Variants in STEAP1B observed in about 807,000 individuals in gnomAD.
The protein encoded by STEAP1B is STEAP family member 1B, also known as STEAP family protein MGC87042.
Under a neutral mutation model 27.9 loss-of-function variants are expected in STEAP1B, and 13 were observed. The observed-to-expected ratio is 0.47, with a 90% CI of 0.30 to 0.74. The LOEUF is 0.74. Ranked by LOEUF, STEAP1B falls within the 30% of genes least tolerant of loss-of-function variation. The probability of loss-of-function intolerance (pLI) is 0.06; values close to 1 mark genes in which losing one functional copy is unlikely to be tolerated. For missense variants in STEAP1B, 250 were observed against 298.7 expected (o/e 0.84, Z 1.20); for synonymous variants, 86 against 107.1 (o/e 0.80, Z 1.22).
chr7:22,422,636 G>A (rs1018625967), intron 4 of STEAP1B, among the ~76,000 whole-genome samples: 3 of 152,114 alleles, frequency 2.0e-5, no homozygotes, highest in Non-Finnish European at 4.4e-5. Flanking sequence ...CGGGATTACA[G>A]GCACCCACCC....
intron 4 of STEAP1B, among the ~76,000 whole-genome samples, chr7:22,487,603 A>C (rs1017357843): frequency 7.9e-5 from 12 of 151,720 alleles, no homozygotes; most frequent in African/African-American, 2.9e-4. Flanking sequence ...TCGGGAGTTC[A>C]AGACCAGCCT....
At chr7:22,468,353 G>C (rs1452680500) in intron 4 of STEAP1B, among the ~76,000 whole-genome samples, 1 of 152,046 alleles carries the variant, frequency 6.6e-6, no homozygotes, top group African/African-American at 2.4e-5. Flanking sequence ...GGAAACTGAG[G>C]AAAGGAGGCT....
intron 1 of STEAP1B, among the ~76,000 whole-genome samples, chr7:22,495,942 C>T (rs1786432552): frequency 1.3e-5 from 2 of 152,120 alleles, no homozygotes; most frequent in Admixed American, 1.3e-4. Context: ...GTGAAGTGTA[C>T]TCCTTCTACT....
At chr7:22,476,860 T>A (rs1260594268) in intron 4 of STEAP1B, among the ~76,000 whole-genome samples, 2 of 152,156 alleles carry the variant, frequency 1.3e-5, no homozygotes, top group African/African-American at 4.8e-5. Flanking sequence ...TAAGGAGGAA[T>A]CCGTTTCTGA....
intron 4 of STEAP1B, among the ~76,000 whole-genome samples, chr7:22,425,935 A>G (rs889016839): frequency 2.0e-5 from 3 of 152,244 alleles, no homozygotes; most frequent in Non-Finnish European, 4.4e-5. Context: ...AGTGGCTACA[A>G]AAGTTTCCTT....
At chr7:22,427,172 C>T (rs1201072802) in intron 4 of STEAP1B, among the ~76,000 whole-genome samples, 4 of 152,098 alleles carry the variant, frequency 2.6e-5, no homozygotes, top group Non-Finnish European at 5.9e-5. Context: ...TCTAAGGAGA[C>T]GAAAAGACCT....
At chr7:22,460,094 G>C (rs955920067) in intron 4 of STEAP1B, among the ~76,000 whole-genome samples, 70 of 152,142 alleles carry the variant, frequency 4.6e-4, no homozygotes, top group African/African-American at 1.7e-3. Flanking sequence ...AGGACTGCTT[G>C]AGCCCAGGAA....
chr7:22,482,912 T>G (rs1156966190), intron 4 of STEAP1B, among the ~76,000 whole-genome samples: 1 of 152,206 alleles, frequency 6.6e-6, no homozygotes, highest in Non-Finnish European at 1.5e-5. Flanking sequence ...GGATCTTGTC[T>G]CAGGTCCCTG....
chr7:22,498,961 T>C (rs930064041), intron 1 of STEAP1B, among the ~76,000 whole-genome samples: 56 of 152,238 alleles, frequency 3.7e-4, no homozygotes, highest in Non-Finnish European at 7.3e-5. Context: ...CTCAACTCTA[T>C]GCCCATAAGC....
At chr7:22,484,167 G>A (rs1786134445) in intron 4 of STEAP1B, among the ~76,000 whole-genome samples, 1 of 152,184 alleles carries the variant, frequency 6.6e-6, no homozygotes, top group Non-Finnish European at 1.5e-5. Context: ...ATTGAAGCAG[G>A]TGGCTACACT....
intron 1 of STEAP1B, chr7:22,495,391 C>G (rs913148170): frequency 6.6e-6 from 1 of 152,158 alleles, no homozygotes; most frequent in Non-Finnish European, 1.5e-5. Flanking sequence ...GAGGTTGGTC[C>G]TTGTTTGGAA....
intron 4 of STEAP1B, among the ~76,000 whole-genome samples, chr7:22,480,169 C>T (rs928860464): frequency 1.4e-4 from 22 of 152,196 alleles, no homozygotes; most frequent in African/African-American, 5.3e-4. Flanking sequence ...TAAGCAACAA[C>T]TTATTTTATA....
chr7:22,494,747 AT>A, intron 2 of STEAP1B, 24 bp downstream of exon 2: 6 of 1,359,722 alleles, frequency 4.4e-6, no homozygotes, highest in Non-Finnish European at 6.1e-6. Context: ...ATTATTATTT[AT>A]TATTGTCATT....
Position 22,436,908 on chromosome 7 carries a change from C to A in STEAP1B, c.763-17072G>T, listed in dbSNP as rs147115409. On this transcript the variant is annotated intron_variant, in intron 4 of 4. Coordinates refer to ENST00000678116, the MANE Select transcript of STEAP1B (RefSeq NM_001382447.1). The stretch of plus-strand genomic sequence containing the variant: ...GATTTATATTCATTTGGGTCTATAC[C>A]CAGTAATGGGATTTCTGGGTCAAAT... Among the ~76,000 whole-genome samples, 653 of 152,154 alleles carry A rather than the reference C, an allele frequency of 4.3e-3. 2 individuals carry two copies. Among genetic ancestry groups the A allele is most frequent in the Non-Finnish European group, 8.0e-3 (542 of 67,996 alleles).
rs112410729 is a variant in STEAP1B at position 22,432,312 on chromosome 7, G to A, written c.763-12476C>T. ...CCAGTGCTTTGGGAGGCTGAGGTGG[G>A]AAGATCATTTGAGGCCATGAGTTTG... On this transcript the variant is annotated intron_variant, in intron 4 of 4. Transcript: ENST00000678116. Among the ~76,000 whole-genome samples the A allele has an allele frequency of 5.1e-3, 770 of 151,972 alleles. 4 individuals carry two copies. The highest frequency in any genetic ancestry group is 0.018 in the African/African-American group (743 of 41,410).
At chr7:22,438,437 C>T in intron 4 of STEAP1B, 1 of 1,513,406 alleles carries the variant, frequency 6.6e-7, no homozygotes, top group South Asian at 1.3e-5. Context: ...GTCTGGTCTG[C>T]AAGTATGTAA....
At chr7:22,488,124 A>G (rs1416494853) in intron 4 of STEAP1B, among the ~76,000 whole-genome samples, 4 of 152,164 alleles carry the variant, frequency 2.6e-5, no homozygotes, top group African/African-American at 4.8e-5. Context: ...CTATTGTCCC[A>G]GTCCTCCGAG....
intron 4 of STEAP1B, among the ~76,000 whole-genome samples, chr7:22,436,643 GT>G (rs1785259000): frequency 6.6e-6 from 1 of 150,624 alleles, no homozygotes. Flanking sequence ...AGAACATGTG[GT>G]ATTTGGTTTT....
Position 22,477,332 on chromosome 7 carries a change from C to T in STEAP1B, c.762+15233G>A, listed in dbSNP as rs186843890. Among the ~76,000 whole-genome samples the T allele has an allele frequency of 3.9e-5, 6 of 152,302 alleles. No individual in the cohort carries two copies. The East Asian group carries it at 1.2e-3, about 29-fold the overall frequency. On this transcript the variant is annotated intron_variant, in intron 4 of 4. Transcript: ENST00000678116. ...AACTTTTATTATTGATCCCTGATGG[C>T]TTCCTATTAATGCCCCCACCCAACT... is the stretch of plus-strand genomic sequence containing the variant.
Sources: gnomAD v4.1 joint callset for allele counts (sites outside exome capture counted in the v4.1 genomes callset) on GRCh38, gnomAD v4.1.1 for gene constraint, MANE v1.5 for transcripts, NCBI Gene and HGNC (gene_info 2026-07-23, HGNC 2026-07-21) for gene names.